Variants in KSR2 observed in about 807,000 individuals in gnomAD.
KSR2 encodes the protein kinase suppressor of ras 2.
Under a neutral mutation model 107.8 loss-of-function variants are expected in KSR2, and 25 were observed. The observed-to-expected ratio is 0.23, with a 90% CI of 0.17 to 0.32. The LOEUF is 0.32. Ranked by LOEUF, KSR2 falls within the 10% of genes least tolerant of loss-of-function variation. KSR2 has a pLI of 1.00. For missense variants in KSR2, 887 were observed against 1,268.9 expected (o/e 0.70, Z 4.57); for synonymous variants, 480 against 507.0 (o/e 0.95, Z 0.71).
At chr12:117,928,332 G>A (rs543107505) in intron 1 of KSR2, among the ~76,000 whole-genome samples, 26 of 152,086 alleles carry the variant, frequency 1.7e-4, no homozygotes, top group African/African-American at 4.6e-4. Flanking sequence ...ACAGGCATGC[G>A]CCACCATACC....
intron 3 of KSR2, among the ~76,000 whole-genome samples, chr12:117,817,180 G>T (rs1286982984): frequency 6.6e-6 from 1 of 152,056 alleles, no homozygotes; most frequent in Non-Finnish European, 1.5e-5. Context: ...AGCCATTTAA[G>T]GACTGTTACA....
At chr12:117,552,517 C>T (rs1877380326) in intron 9 of KSR2, among the ~76,000 whole-genome samples, 1 of 152,192 alleles carries the variant, frequency 6.6e-6, no homozygotes, top group African/African-American at 2.4e-5. Context: ...AGAAGCCTGA[C>T]TACCCTGAGG....
chr12:117,665,098 C>T (rs1593107908), intron 5 of KSR2, among the ~76,000 whole-genome samples: 1 of 152,308 alleles, frequency 6.6e-6, no homozygotes, highest in East Asian at 1.9e-4. Context: ...GACTCAAATG[C>T]TGTCTTTCTT....
intron 1 of KSR2, among the ~76,000 whole-genome samples, chr12:117,876,966 C>T (rs889594846): frequency 6.6e-6 from 1 of 152,118 alleles, no homozygotes; most frequent in Non-Finnish European, 1.5e-5. Flanking sequence ...ACACCTTATA[C>T]ACATAACCTG....
At chr12:117,738,427 A>G (rs1252886215) in intron 4 of KSR2, among the ~76,000 whole-genome samples, 1 of 152,178 alleles carries the variant, frequency 6.6e-6, no homozygotes, top group African/African-American at 2.4e-5. Flanking sequence ...CTATCCCCCC[A>G]GGCTGTGTGG....
At chr12:117,575,014 C>G (rs1179019002) in intron 7 of KSR2, among the ~76,000 whole-genome samples, 1 of 152,136 alleles carries the variant, frequency 6.6e-6, no homozygotes, top group Non-Finnish European at 1.5e-5. Flanking sequence ...AAAGTTCTCA[C>G]TCAGGTATGA....
intron 5 of KSR2, among the ~76,000 whole-genome samples, chr12:117,601,479 G>A (rs1457203121): frequency 2.0e-5 from 3 of 151,934 alleles, no homozygotes; most frequent in African/African-American, 7.3e-5. Context: ...GGGGAAAATG[G>A]ACACAGAGAC....
At chr12:117,551,783 T>C (rs971681361) in intron 9 of KSR2, among the ~76,000 whole-genome samples, 3 of 152,144 alleles carry the variant, frequency 2.0e-5, no homozygotes, top group African/African-American at 2.4e-5. Flanking sequence ...AGCCCTATGA[T>C]AGATCTTGTC....
chr12:117,453,737 C>T lies in KSR2; in HGVS notation c.*13462G>A, dbSNP rs1463137966. The T allele has an allele frequency of 4.6e-5, 7 of 152,150 alleles. No homozygotes were observed. The highest frequency in any genetic ancestry group is 1.7e-4 in the African/African-American group (7 of 41,428). 9.4% of individuals were successfully genotyped at this position (152,150 alleles called of 1,614,324 possible). On this transcript the variant is annotated 3_prime_UTR_variant, in exon 20 of 20. Transcript: ENST00000339824. Reference sequence around the variant, plus strand: ...CTCAAAGAGAGCGAGAAATGAGAGGCTTGGGGTGGAAACGTTGACCACCTA... The same window carrying T: ...CTCAAAGAGAGCGAGAAATGAGAGGTTTGGGGTGGAAACGTTGACCACCTA...
chr12:117,953,708 A>T (rs1459219615), intron 1 of KSR2, among the ~76,000 whole-genome samples: 7 of 152,220 alleles, frequency 4.6e-5, no homozygotes, highest in African/African-American at 1.4e-4. Flanking sequence ...TGTTTGAAAC[A>T]ATAAAAAAAC....
At chr12:117,747,275 C>T (rs1164281589) in intron 4 of KSR2, among the ~76,000 whole-genome samples, 1 of 152,162 alleles carries the variant, frequency 6.6e-6, no homozygotes, top group Non-Finnish European at 1.5e-5. Context: ...AGATCATGTC[C>T]TTTGCAGGGA....
intron 2 of KSR2, among the ~76,000 whole-genome samples, chr12:117,857,861 A>C (rs575986386): frequency 2.0e-5 from 3 of 152,030 alleles, no homozygotes; most frequent in Non-Finnish European, 4.4e-5. Flanking sequence ...CAGAAAGGGG[A>C]CCTCTGGTGG....
At chr12:117,554,906 C>A (rs1877550119) in intron 9 of KSR2, among the ~76,000 whole-genome samples, 1 of 152,192 alleles carries the variant, frequency 6.6e-6, no homozygotes, top group African/African-American at 2.4e-5. Context: ...GTCTCTCCTC[C>A]CATCCGTTGT....
At chr12:117,577,123 C>G (rs2136230751) in intron 7 of KSR2, among the ~76,000 whole-genome samples, 1 of 152,238 alleles carries the variant, frequency 6.6e-6, no homozygotes, top group African/African-American at 2.4e-5. Context: ...TCACTTCTAT[C>G]TTGGGGCAGG....
chr12:117,492,504 C>T (rs1872798242), intron 14 of KSR2, among the ~76,000 whole-genome samples: 1 of 152,192 alleles, frequency 6.6e-6, no homozygotes, highest in Admixed American at 6.5e-5. Context: ...ACCTGAAGCC[C>T]CCACGACCTT....
intron 8 of KSR2, among the ~76,000 whole-genome samples, chr12:117,556,183 C>T (rs1416618692): frequency 6.7e-6 from 1 of 148,390 alleles, no homozygotes; most frequent in Non-Finnish European, 1.5e-5. Context: ...CAGACACCTG[C>T]CACCTTTGAA....
chr12:117,892,770 G>T (rs1332994096), intron 1 of KSR2, among the ~76,000 whole-genome samples: 1 of 116,968 alleles, frequency 8.5e-6, no homozygotes, highest in Admixed American at 1.0e-4. Context: ...AAAGTTTGCT[G>T]ACATCTGTGC....
At chr12:117,841,672 C>G (rs1428721278) in intron 3 of KSR2, among the ~76,000 whole-genome samples, 2 of 152,154 alleles carry the variant, frequency 1.3e-5, no homozygotes, top group Non-Finnish European at 1.5e-5. Context: ...AAGGAGAAAG[C>G]CATTCATTCC....
intron 5 of KSR2, among the ~76,000 whole-genome samples, chr12:117,601,257 T>C (rs1880927239): frequency 6.8e-6 from 1 of 146,980 alleles, no homozygotes; most frequent in African/African-American, 2.5e-5. Flanking sequence ...TGACAAGACA[T>C]AAATTGTCTG....
Sources: gnomAD v4.1 joint callset for allele counts (sites outside exome capture counted in the v4.1 genomes callset) on GRCh38, gnomAD v4.1.1 for gene constraint, MANE v1.5 for transcripts, NCBI Gene and HGNC (gene_info 2026-07-23, HGNC 2026-07-21) for gene names.